The following CAVIN2 variants were observed in gnomAD, a reference collection of about 807,000 sequenced individuals.
CAVIN2 encodes caveolae-associated protein 2.
In CAVIN2, 13 loss-of-function variants were observed where a neutral mutation model predicts 11.7. That is an observed-to-expected ratio of 1.11 (90% CI 0.72 to 1.77). The LOEUF (loss-of-function observed/expected upper bound fraction) is 1.77, where lower values mean the gene tolerates loss of function less well. CAVIN2 is among the 40% of genes most tolerant of loss of function. The pLI, the probability that CAVIN2 is intolerant of heterozygous loss-of-function variation, is 0.00. For synonymous variants in CAVIN2, 237 were observed against 223.2 expected (o/e 1.06, Z -0.55); for missense variants, 549 against 542.9 (o/e 1.01, Z -0.11).
intron 1 of CAVIN2, among the ~76,000 whole-genome samples, chr2:191,844,788 C>T (rs1399011818): frequency 3.3e-5 from 5 of 152,060 alleles, no homozygotes; most frequent in African/African-American, 1.2e-4. Flanking sequence ...CCATCCCTCC[C>T]CCCAACATCT....
Position 191,846,423 on chromosome 2 carries a change from G to T in CAVIN2, c.483+20C>A. On this transcript the variant is annotated intron_variant, in intron 1 of 1. Transcript: ENST00000304141. ...TAAGGAGTTCCAGCCCGCCTGTAAG[G>T]AGGCATAGGGGGAACTGACCTGGAA... The T allele has an allele frequency of 6.3e-7, 1 of 1,593,654 alleles. No individual in the cohort carries two copies. The highest frequency in any genetic ancestry group is 8.6e-7 in the Non-Finnish European group (1 of 1,168,128).
At chr2:191,842,568 G>C (rs975888648) in intron 1 of CAVIN2, among the ~76,000 whole-genome samples, 1 of 152,166 alleles carries the variant, frequency 6.6e-6, no homozygotes. Flanking sequence ...TTTGCTTTTT[G>C]ATCAGCAATG....
At chr2:191,846,346 G>A in intron 1 of CAVIN2, 97 bp downstream of exon 1, 1 of 1,391,824 alleles carries the variant, frequency 7.2e-7, no homozygotes, top group Non-Finnish European at 9.6e-7. Flanking sequence ...CTGACAGGCA[G>A]GACAAATGTA....
Position 191,836,116 on chromosome 2 carries a change from C to G in CAVIN2, c.1085G>C (p.Arg362Thr), listed in dbSNP as rs754967415. The G allele has an allele frequency of 1.9e-6, 3 of 1,614,102 alleles. No homozygotes were observed. The highest frequency in any genetic ancestry group is 2.2e-5 in the East Asian group (1 of 44,890). ...AEEAAEKATS[R>T]GSNSGMDSNI... ...GCTGTCCATCCCCGAGTTACTCCCCCTGGAGGTCGCCTTCTCAGCAGCCTC... is the reference window on the plus strand; with the variant it reads ...GCTGTCCATCCCCGAGTTACTCCCCGTGGAGGTCGCCTTCTCAGCAGCCTC... Residue 362 changes from arginine (R) to threonine (T), a missense_variant, in exon 2 of 2, where the codon AGG becomes ACG. By Grantham distance (71) the Arg-to-Thr change is moderately conservative. Coordinates refer to ENST00000304141, the MANE Select transcript of CAVIN2 (RefSeq NM_004657.6).
chr2:191,844,172 G>T (rs1293126054), intron 1 of CAVIN2, among the ~76,000 whole-genome samples: 1 of 152,128 alleles, frequency 6.6e-6, no homozygotes, highest in African/African-American at 2.4e-5. Context: ...TTTAGCAAGT[G>T]GTAGAACTAG....
chr2:191,845,466 CACA>C (rs1314551827), intron 1 of CAVIN2, among the ~76,000 whole-genome samples: 5 of 152,162 alleles, frequency 3.3e-5, no homozygotes, highest in Admixed American at 3.3e-4. Flanking sequence ...TTCATATGGT[CACA>C]ACGAGACAGC....
chr2:191,836,755 A>G (rs765447845), intron 1 of CAVIN2, 38 bp from the exon 2 acceptor site: 8 of 1,564,642 alleles, frequency 5.1e-6, no homozygotes, highest in South Asian at 4.7e-5. Flanking sequence ...TGTTAATAAC[A>G]TATTTCACAA....
rs1433084290 is a variant in CAVIN2, at chr2:191,836,537, T to C, written c.664A>G (p.Lys222Glu). The C allele has an allele frequency of 2.5e-6, 4 of 1,614,000 alleles. No homozygotes were observed. Among genetic ancestry groups the C allele is most frequent in the Non-Finnish European group, 2.5e-6 (3 of 1,180,026 alleles). The change falls in exon 2 of 2, where the codon AAG (lysine) becomes GAG (glutamate). Residue 222 changes from lysine to glutamate, a missense_variant. Physicochemically the swap from Lys to Glu is moderately conservative, Grantham distance 56. Transcript: ENST00000304141. ...EEALEDSAEEKVEESRAEKIK... is the reference protein window; with the variant it reads ...EEALEDSAEEEVEESRAEKIK... ...TTCTCTGCCCTACTTTCTTCCACCT[T>C]TTCCTCGGCACTGTCTTCCAGGGCC... is the stretch of plus-strand genomic sequence containing the variant.
rs546605026 is a variant in CAVIN2 at position 191,836,401 on chromosome 2, C to G, written c.800G>C (p.Arg267Thr). The G allele has an allele frequency of 6.2e-7, 1 of 1,614,148 alleles. No homozygotes were observed. The change falls in exon 2 of 2, where the codon AGG becomes ACG. Residue 267 changes from arginine to threonine, a missense_variant. Arg to Thr is a moderately conservative substitution (Grantham distance 71). Transcript: ENST00000304141. ...KLGTKIVSVE[R>T]REKIKKSLTS... ...GAGAGATTTCTTAATCTTCTCTCTC[C>G]TCTCTACAGATACGATCTTTGTCCC...
chr2:191,837,034 G>A (rs932784279), intron 1 of CAVIN2, among the ~76,000 whole-genome samples: 5 of 152,164 alleles, frequency 3.3e-5, no homozygotes, highest in African/African-American at 9.7e-5. Flanking sequence ...GCTAAAGAAC[G>A]TTACTGTGCT....
At chr2:191,846,119 C>G (rs1574196902) in intron 1 of CAVIN2, among the ~76,000 whole-genome samples, 1 of 152,224 alleles carries the variant, frequency 6.6e-6, no homozygotes, top group East Asian at 1.9e-4. Flanking sequence ...TGCAAAGAGA[C>G]AAATGAATTT....
intron 1 of CAVIN2, among the ~76,000 whole-genome samples, chr2:191,842,464 A>G (rs1182692295): frequency 1.3e-5 from 2 of 152,208 alleles, no homozygotes; most frequent in Non-Finnish European, 2.9e-5. Context: ...TTTCCTCATA[A>G]GTGTAGAGTA....
At chr2:191,837,169 A>G (rs570011362) in intron 1 of CAVIN2, among the ~76,000 whole-genome samples, 1 of 152,324 alleles carries the variant, frequency 6.6e-6, no homozygotes, top group South Asian at 2.1e-4. Context: ...AAGGGTGAGA[A>G]CTGAGAAGTC....
chr2:191,840,450 T>G (rs1690077454), intron 1 of CAVIN2, among the ~76,000 whole-genome samples: 1 of 152,172 alleles, frequency 6.6e-6, no homozygotes, highest in Admixed American at 6.5e-5. Context: ...GGTTCTGACC[T>G]TTCACGAGAA....
chr2:191,846,945 T>A lies in CAVIN2; in HGVS notation c.-20A>T. The A allele has an allele frequency of 1.9e-6, 3 of 1,578,534 alleles. No individual in the cohort carries two copies. Among genetic ancestry groups the A allele is most frequent in the Non-Finnish European group, 2.6e-6 (3 of 1,165,316 alleles). Reference sequence around the variant, plus strand: ...TCCCATGGCTAGGCAGGTGGGAACGTTCTTTCTCTCTGGGAGCTGCTTCTT... The same window carrying A: ...TCCCATGGCTAGGCAGGTGGGAACGATCTTTCTCTCTGGGAGCTGCTTCTT... On this transcript the variant is annotated 5_prime_UTR_variant, in exon 1 of 2. Coordinates refer to ENST00000304141, the MANE Select transcript of CAVIN2 (RefSeq NM_004657.6).
intron 1 of CAVIN2, among the ~76,000 whole-genome samples, chr2:191,843,462 G>A (rs1313433050): frequency 6.6e-6 from 1 of 152,178 alleles, no homozygotes; most frequent in Non-Finnish European, 1.5e-5. Context: ...AAGACACTGA[G>A]TAACACCTGG....
intron 1 of CAVIN2, among the ~76,000 whole-genome samples, chr2:191,838,202 C>T (rs140265877): frequency 3.7e-4 from 56 of 152,344 alleles, no homozygotes; most frequent in African/African-American, 1.2e-3. Flanking sequence ...AACTTCCCTT[C>T]TTGTTTTGTA....
At chr2:191,844,480 A>G (rs945351663) in intron 1 of CAVIN2, among the ~76,000 whole-genome samples, 8 of 152,148 alleles carry the variant, frequency 5.3e-5, no homozygotes, top group Non-Finnish European at 1.2e-4. Flanking sequence ...GCCTCCTAAA[A>G]TGCTCTTTAA....
intron 1 of CAVIN2, among the ~76,000 whole-genome samples, chr2:191,841,893 A>G (rs1048244664): frequency 6.6e-6 from 1 of 152,238 alleles, no homozygotes; most frequent in African/African-American, 2.4e-5. Context: ...TAATAACAAT[A>G]AGAACTAATA....
Sources: allele counts gnomAD v4.1 joint callset (sites outside exome capture counted in the v4.1 genomes callset), GRCh38; gene constraint gnomAD v4.1.1; transcripts MANE v1.5; gene names NCBI Gene and HGNC (gene_info 2026-07-23, HGNC 2026-07-21).